The following ZNF793 variants were observed in gnomAD, a reference collection of about 807,000 sequenced individuals.
ZNF793 encodes the protein zinc finger protein 793.
Under a neutral mutation model 12.4 loss-of-function variants are expected in ZNF793, and 5 were observed. The ratio of observed to expected loss-of-function variants is 0.40; its 90% CI spans 0.21 to 0.84. The LOEUF (loss-of-function observed/expected upper bound fraction) is 0.84. ZNF793 is among the 40% of genes least tolerant of loss of function. ZNF793 has a pLI of 0.35. For synonymous variants in ZNF793, 162 were observed against 172.4 expected, an observed-to-expected ratio of 0.94 and a Z score of 0.47; for missense variants, 456 against 495.0, an observed-to-expected ratio of 0.92 and a Z score of 0.75.
Position 37,537,111 on chromosome 19 carries a change from C to T in ZNF793, c.453C>T (p.Asp151=). ...PCGKNLNHNL[D]LIGFKRNCAK... is the part of the protein sequence containing the mutation. Reference sequence around the variant, plus strand: ...GAAAGAATTTGAACCATAATTTAGACTTGATTGGTTTTAAGAGAAACTGTG... The same window carrying T: ...GAAAGAATTTGAACCATAATTTAGATTTGATTGGTTTTAAGAGAAACTGTG... The change falls in exon 8 of 8, where the codon GAC becomes GAT. Residue 151 remains aspartate, a synonymous_variant. Coordinates refer to ENST00000627814, the MANE Select transcript of ZNF793 (RefSeq NM_001013659.3). 6.2e-7 allele frequency: 1 copy of T among 1,613,358 alleles called. No individual in the cohort carries two copies. Among genetic ancestry groups the T allele is most frequent in the African/African-American group, 1.3e-5 (1 of 75,038 alleles).
In ZNF793 at chr19:37,537,407, C is replaced by G. The variant is rs2042515454; in HGVS notation, c.749C>G (p.Thr250Ser). The G allele has an allele frequency of 1.2e-6, 2 of 1,613,096 alleles. No homozygotes were observed. Among genetic ancestry groups the G allele is most frequent in the African/African-American group, 2.7e-5 (2 of 75,050 alleles). Residue 250 changes from threonine to serine, a missense_variant, in exon 8 of 8, where the codon ACT becomes AGT. Physicochemically the swap from Thr to Ser is moderately conservative, Grantham distance 58. Coordinates refer to ENST00000627814, the MANE Select transcript of ZNF793 (RefSeq NM_001013659.3). ...TTCATTAGGCATCAGAGAAGTCACA[C>G]TGGGGAGAAGCCTTATGGCTGCACT... Reference protein sequence around the residue: ...SEFIRHQRSHTGEKPYGCTDC... With the variant: ...SEFIRHQRSHSGEKPYGCTDC...
rs1266422862 is a variant in ZNF793 at position 37,537,159 on chromosome 19, T to C, written c.501T>C (p.Tyr167=). Reference sequence around the variant, plus strand: ...GTGCAAAAAAGCAAGATGAGTGTTATGCTTATGGGAAATTGCTTCAGCGTA... The same window carrying C: ...GTGCAAAAAAGCAAGATGAGTGTTACGCTTATGGGAAATTGCTTCAGCGTA... ...RNCAKKQDEC[Y]AYGKLLQRIN... is the part of the protein sequence containing the mutation. Residue 167 remains tyrosine, a synonymous_variant, in exon 8 of 8, where the codon TAT becomes TAC. Coordinates refer to ENST00000627814, the MANE Select transcript of ZNF793 (RefSeq NM_001013659.3). 4 of 1,613,204 alleles carry C rather than the reference T, an allele frequency of 2.5e-6. No homozygotes were observed. The highest frequency in any genetic ancestry group is 2.5e-6 in the Non-Finnish European group (3 of 1,179,368).
In ZNF793 at chr19:37,539,775, A is replaced by G. The variant is rs761043858; in HGVS notation, c.*1896A>G. 6.6e-6 allele frequency: 1 copy of G among 152,208 alleles called. No individual in the cohort carries two copies. The highest frequency in any genetic ancestry group is 1.5e-5 in the Non-Finnish European group (1 of 68,038). The allele number at this position is 152,208 out of a possible 1,614,324, so 9.4% of individuals were successfully genotyped here. A position where few individuals can be genotyped will look rare whatever the true frequency, so the allele number is the denominator to read the frequency against. Reference sequence around the variant, plus strand: ...TAAGAAGTAGAAAACTTGGTAGGATAGTTAACATTGAAAAACTCAAAAAAG... The same window carrying G: ...TAAGAAGTAGAAAACTTGGTAGGATGGTTAACATTGAAAAACTCAAAAAAG... On this transcript the variant is annotated 3_prime_UTR_variant, in exon 8 of 8. Coordinates refer to ENST00000627814, the MANE Select transcript of ZNF793 (RefSeq NM_001013659.3).
At chr19:37,535,892 A>T (rs568494826) in intron 7 of ZNF793, 1 of 152,386 alleles carries the variant, frequency 6.6e-6, no homozygotes, top group East Asian at 1.9e-4. Flanking sequence ...AATGAGGCCT[A>T]GCATCAGGTC....
intron 5 of ZNF793, among the ~76,000 whole-genome samples, chr19:37,529,240 A>G: frequency 6.6e-6 from 1 of 152,136 alleles, no homozygotes; most frequent in East Asian, 1.9e-4. Context: ...GCAATGTGAA[A>G]TTATCACACC....
At chr19:37,506,548 G>GT (rs2042250706), upstream of ZNF793, 1 of 152,164 alleles carries the variant, frequency 6.6e-6, no homozygotes, top group African/African-American at 2.4e-5. Context: ...CCCATTGCAC[G>GT]TAAGAAGCGG....
At chr19:37,519,762 T>A (rs2042360961) in intron 2 of ZNF793, among the ~76,000 whole-genome samples, 2 of 152,078 alleles carry the variant, frequency 1.3e-5, no homozygotes, top group African/African-American at 4.8e-5. Flanking sequence ...GGTAAAATAA[T>A]AAATAAATGA....
At chr19:37,525,689 G>A (rs1370022933) in intron 5 of ZNF793, among the ~76,000 whole-genome samples, 6 of 151,992 alleles carry the variant, frequency 3.9e-5, no homozygotes, top group African/African-American at 1.5e-4. Flanking sequence ...CCAAAGTGCT[G>A]GGATTACAGG....
At chr19:37,516,926 A>ATGAGCCACTGTGCCCGGCC (rs1568787254) in intron 2 of ZNF793, among the ~76,000 whole-genome samples, 1 of 151,778 alleles carries the variant, frequency 6.6e-6, no homozygotes, top group Non-Finnish European at 1.5e-5. Flanking sequence ...GATTACAGGC[A>ATGAGCCACTGTGCCCGGCC]TGAGCCACTG....
intron 7 of ZNF793, 114 bp from the exon 8 acceptor site, chr19:37,536,783 G>A: frequency 8.3e-7 from 1 of 1,199,500 alleles, no homozygotes; most frequent in African/African-American, 1.5e-5. Flanking sequence ...CTGCGTTTGT[G>A]CTTTGGGTTA....
chr19:37,515,843 T>C (rs1209188636), intron 2 of ZNF793, among the ~76,000 whole-genome samples: 3 of 152,214 alleles, frequency 2.0e-5, no homozygotes, highest in African/African-American at 7.2e-5. Context: ...TTTTCTTATA[T>C]GAATGGACAA....
intron 7 of ZNF793, chr19:37,536,156 G>C (rs1232252226): frequency 1.4e-5 from 4 of 289,896 alleles, no homozygotes; most frequent in Non-Finnish European, 1.9e-5. Context: ...TTAAGTCCTA[G>C]TTAGCTTTGT....
rs61445787 is a variant in ZNF793 at position 37,510,182 on chromosome 19, G to A, written c.-276+1779G>A. ...TTGAGACCAGCCTGCGCAACATAGCGAAACTCCATCATTACAAAAAATTTA... is the reference window on the plus strand; with the variant it reads ...TTGAGACCAGCCTGCGCAACATAGCAAAACTCCATCATTACAAAAAATTTA... On this transcript the variant is annotated intron_variant, in intron 2 of 7. Transcript: ENST00000627814. Among the ~76,000 whole-genome samples the A allele has an allele frequency of 7.9e-3, 1,207 of 152,026 alleles. 15 individuals carry two copies. Among genetic ancestry groups the A allele is most frequent in the African/African-American group, 0.028 (1,153 of 41,460 alleles).
intron 2 of ZNF793, among the ~76,000 whole-genome samples, chr19:37,513,758 T>G (rs534642388): frequency 8.5e-5 from 13 of 152,340 alleles, no homozygotes; most frequent in Middle Eastern, 3.4e-3. Flanking sequence ...ATTTTGTTTA[T>G]TCTGTGACAG....
At chr19:37,530,249 T>G (rs2042448072) in intron 5 of ZNF793, among the ~76,000 whole-genome samples, 1 of 152,172 alleles carries the variant, frequency 6.6e-6, no homozygotes, top group East Asian at 1.9e-4. Flanking sequence ...ACCGAGACAT[T>G]CCATTGCCCA....
intron 5 of ZNF793, among the ~76,000 whole-genome samples, chr19:37,526,307 C>A (rs2042415818): frequency 6.6e-6 from 1 of 152,048 alleles, no homozygotes; most frequent in Admixed American, 6.5e-5. Flanking sequence ...AAGATGGGAT[C>A]TTACTATATT....
chr19:37,540,805 C>A lies in ZNF793; in HGVS notation c.*2926C>A, dbSNP rs1357550875. 6.6e-6 allele frequency: 1 copy of A among 151,810 alleles called. No individual in the cohort carries two copies. The highest frequency in any genetic ancestry group is 2.4e-5 in the African/African-American group (1 of 41,334). 9.4% of individuals were successfully genotyped at this position (151,810 alleles called of 1,614,324 possible). ...CAGGGTACCAAAATCAAGAGCTGTT[C>A]TCCATACTGACAAGAAAACATAATT... On this transcript the variant is annotated 3_prime_UTR_variant, in exon 8 of 8. Transcript: ENST00000627814.
rs545473392 is a variant in ZNF793, at chr19:37,538,136, C to T, written c.*257C>T. On this transcript the variant is annotated 3_prime_UTR_variant, in exon 8 of 8. Coordinates refer to ENST00000627814, the MANE Select transcript of ZNF793 (RefSeq NM_001013659.3). ...TTCACCGTGTTAGCCAGGATGGTCT[C>T]GATCTCCTGACCTTGTGATCTGCCC... The T allele has an allele frequency of 7.7e-5, 27 of 351,250 alleles. No homozygotes were observed. Among genetic ancestry groups the T allele is most frequent in the East Asian group, 6.5e-4 (11 of 16,924 alleles). 21.8% of individuals were successfully genotyped at this position (351,250 alleles called of 1,614,324 possible). A position where few individuals can be genotyped will look rare whatever the true frequency, so the allele number is the denominator to read the frequency against.
chr19:37,521,267 G>A (rs952017776), intron 3 of ZNF793, among the ~76,000 whole-genome samples: 40 of 150,836 alleles, frequency 2.7e-4, no homozygotes, highest in Admixed American at 1.4e-3. Flanking sequence ...GATTACAGGC[G>A]TGAGCCACTG....
Sources: allele counts gnomAD v4.1 joint callset (sites outside exome capture counted in the v4.1 genomes callset), GRCh38; gene constraint gnomAD v4.1.1; transcripts MANE v1.5; gene names NCBI Gene and HGNC (gene_info 2026-07-23, HGNC 2026-07-21).